Variants in NPAS2 observed in about 807,000 individuals in gnomAD.
NPAS2 encodes the protein neuronal PAS domain-containing protein 2.
NPAS2 carries 23 observed loss-of-function variants against 107.5 expected under a neutral mutation model. The ratio of observed to expected loss-of-function variants is 0.21; its 90% CI spans 0.15 to 0.30. NPAS2 has a LOEUF of 0.30. NPAS2 is among the 10% of genes least tolerant of loss of function. The probability of loss-of-function intolerance (pLI) is 1.00; values close to 1 mark genes in which losing one functional copy is unlikely to be tolerated. For missense variants in NPAS2, 756 were observed against 1,043.3 expected (o/e 0.72, Z 3.79); for synonymous variants, 403 against 417.5 (o/e 0.97, Z 0.42).
At chr2:100,892,058 T>C (rs1416348579) in intron 1 of NPAS2, among the ~76,000 whole-genome samples, 2 of 152,182 alleles carry the variant, frequency 1.3e-5, no homozygotes, top group African/African-American at 4.8e-5. Flanking sequence ...GACCACACAC[T>C]GTCACCCATC....
At chr2:100,942,907 G>C (rs12328138) in intron 5 of NPAS2, among the ~76,000 whole-genome samples, 2,401 of 152,322 alleles carry the variant, frequency 0.016, 62 homozygotes, top group African/African-American at 0.054. Flanking sequence ...CACACTGGCA[G>C]ATGTAGCTGC....
At chr2:100,870,098 A>T (rs1679489459) in intron 1 of NPAS2, among the ~76,000 whole-genome samples, 1 of 151,610 alleles carries the variant, frequency 6.6e-6, no homozygotes, top group African/African-American at 2.4e-5. Context: ...ATGGGGTTTC[A>T]CCGTGTTAGC....
rs1177105345 is a variant in NPAS2, at chr2:100,953,386, A to AC, written c.598+3906_598+3907insC. Reference sequence around the variant, plus strand: ...GAAACTCCATCTCATAAAAAAAAAAAAAAACAAAAAAAACACCCTATAAAA... The same window carrying AC: ...GAAACTCCATCTCATAAAAAAAAAAACAAAACAAAAAAAACACCCTATAAAA... On this transcript the variant is annotated intron_variant, in intron 7 of 20. Coordinates refer to ENST00000335681, the MANE Select transcript of NPAS2 (RefSeq NM_002518.4). Among the ~76,000 whole-genome samples, 391 of 149,924 alleles carry AC rather than the reference A, an allele frequency of 2.6e-3. 1 individual carries two copies. Among genetic ancestry groups the AC allele is most frequent in the Middle Eastern group, 7.1e-3 (2 of 282 alleles).
At chr2:100,852,167 C>T (rs564316554) in intron 1 of NPAS2, among the ~76,000 whole-genome samples, 16 of 152,138 alleles carry the variant, frequency 1.1e-4, no homozygotes, top group East Asian at 7.8e-4. Context: ...GAGGTCAAGG[C>T]GGGCGGATCA....
intron 12 of NPAS2, chr2:100,972,512 C>T (rs936172354): frequency 6.6e-6 from 1 of 152,274 alleles, no homozygotes; most frequent in East Asian, 1.9e-4. Flanking sequence ...GCATCTCTCA[C>T]CCCTGAAGGG....
intron 1 of NPAS2, among the ~76,000 whole-genome samples, chr2:100,830,329 T>C (rs543118396): frequency 6.6e-6 from 1 of 152,336 alleles, no homozygotes; most frequent in Non-Finnish European, 1.5e-5. Context: ...TTTCTTTTTA[T>C]TTTATTTTTA....
At chr2:100,834,907 G>A (rs1307696400) in intron 1 of NPAS2, among the ~76,000 whole-genome samples, 1 of 152,014 alleles carries the variant, frequency 6.6e-6, no homozygotes, top group Non-Finnish European at 1.5e-5. Context: ...TAGAGACCGG[G>A]TTTCACCATG....
chr2:100,872,492 T>C (rs1254227039), intron 1 of NPAS2, among the ~76,000 whole-genome samples: 1 of 152,222 alleles, frequency 6.6e-6, no homozygotes, highest in Non-Finnish European at 1.5e-5. Context: ...AACAAACTTT[T>C]ATTTTAAGGA....
chr2:100,928,854 T>C (rs1332091417), intron 3 of NPAS2, among the ~76,000 whole-genome samples: 1 of 152,182 alleles, frequency 6.6e-6, no homozygotes, highest in Non-Finnish European at 1.5e-5. Context: ...CTGGGCAATA[T>C]TCTAAGAGCT....
chr2:100,883,595 G>T (rs1307118905), intron 1 of NPAS2, among the ~76,000 whole-genome samples: 2 of 152,130 alleles, frequency 1.3e-5, no homozygotes, highest in Admixed American at 6.5e-5. Flanking sequence ...GATGGAGAAT[G>T]CTCTGTCATA....
At chr2:100,842,081 G>GCGCGCGCGCGCGCACACA in intron 1 of NPAS2, among the ~76,000 whole-genome samples, 75 of 148,902 alleles carry the variant, frequency 5.0e-4, no homozygotes, top group African/African-American at 1.8e-3. Context: ...GCATGTACGC[G>GCGCGCGCGCGCGCACACA]CACACACACA....
At chr2:100,977,055 A>G (rs531083063) in intron 14 of NPAS2, 1 of 150,874 alleles carries the variant, frequency 6.6e-6, no homozygotes, top group Non-Finnish European at 1.5e-5. Flanking sequence ...AAAAAAAACC[A>G]CTAGAAAACC....
At chr2:100,989,445 A>G (rs1003646122) in intron 17 of NPAS2, 1 of 152,244 alleles carries the variant, frequency 6.6e-6, no homozygotes, top group Non-Finnish European at 1.5e-5. Context: ...CATCAGAAAA[A>G]TAGGTGAGAA....
chr2:100,869,978 CA>C (rs1679479809), intron 1 of NPAS2, among the ~76,000 whole-genome samples: 1 of 147,118 alleles, frequency 6.8e-6, no homozygotes, highest in Non-Finnish European at 1.5e-5. Context: ...GATCTTGGCT[CA>C]CTGCAAGCTC....
At chr2:100,975,158 T>A (rs1256954580) in intron 13 of NPAS2, 1 of 606,250 alleles carries the variant, frequency 1.6e-6, no homozygotes, top group African/African-American at 1.9e-5. Flanking sequence ...GCAAAGACAT[T>A]GAGTGGGTTG....
chr2:100,993,444 C>A lies in NPAS2; in HGVS notation c.2209C>A (p.Leu737Ile), dbSNP rs936518164. The change falls in exon 20 of 21, where the codon CTC becomes ATC. Residue 737 changes from leucine (L) to isoleucine (I), a missense_variant. By Grantham distance (5) the Leu-to-Ile change is conservative. Around this residue, in one of 4 missense-constraint regions of NPAS2, gnomAD observed 496 missense variants for 594.4 expected, o/e 0.83. Coordinates refer to ENST00000335681, the MANE Select transcript of NPAS2 (RefSeq NM_002518.4). ...CGTCCTGCTGATGGGGCAGGCGGTG[C>A]TCCACCCCAGCTTCCCTGCCTCCCA... is the stretch of plus-strand genomic sequence containing the variant. ...MPVLLMGQAV[L>I]HPSFPASQPS... 1.8e-5 allele frequency: 29 copies of A among 1,613,214 alleles called. No individual in the cohort carries two copies. Among genetic ancestry groups the A allele is most frequent in the Non-Finnish European group, 2.5e-5 (29 of 1,179,604 alleles).
chr2:100,971,028 C>T lies in NPAS2; in HGVS notation c.1094C>T (p.Ala365Val). Residue 365 changes from alanine (A) to valine (V), a missense_variant, in exon 12 of 21, where the codon GCT (alanine) becomes GTT (valine). Coordinates refer to ENST00000335681, the MANE Select transcript of NPAS2 (RefSeq NM_002518.4). ...DVRVERRQEL[A>V]LEDPPSEALH... ...CGGGTGGAAAGGAGGCAGGAGCTGG[C>T]TCTGGAAGACCCGCCATCCGAGGCC... The T allele has an allele frequency of 6.2e-7, 1 of 1,614,192 alleles. No individual in the cohort carries two copies. Among genetic ancestry groups the T allele is most frequent in the Non-Finnish European group, 8.5e-7 (1 of 1,180,032 alleles).
At chr2:100,920,136 G>C (rs986230416) in intron 2 of NPAS2, among the ~76,000 whole-genome samples, 1 of 152,112 alleles carries the variant, frequency 6.6e-6, no homozygotes, top group Non-Finnish European at 1.5e-5. Flanking sequence ...AGTGGAAGAG[G>C]GTCCTCCTGT....
In NPAS2 at chr2:100,874,300, A is replaced by G. The variant is rs146859504; in HGVS notation, c.-22-30433A>G. 6.6e-4 allele frequency among the ~76,000 whole-genome samples: 101 copies of G among 152,296 alleles called. 3 individuals carry two copies. Among genetic ancestry groups the G allele is most frequent in the African/African-American group, 2.3e-3 (95 of 41,570 alleles). ...AGCAAGTAGAGGAAAGTAATGGAGT[A>G]CAACCCACATGATGGAGCAGAACAA... On this transcript the variant is annotated intron_variant, in intron 1 of 20. Coordinates refer to ENST00000335681, the MANE Select transcript of NPAS2 (RefSeq NM_002518.4).
Sources: allele counts gnomAD v4.1 joint callset (sites outside exome capture counted in the v4.1 genomes callset), GRCh38; gene constraint gnomAD v4.1.1; regional missense constraint gnomAD v4.1.1; transcripts MANE v1.5; gene names NCBI Gene and HGNC (gene_info 2026-07-23, HGNC 2026-07-21).